Variants in PAN3 observed in about 807,000 individuals in gnomAD.
The protein encoded by PAN3 is PAN2-PAN3 deadenylation complex subunit PAN3.
Under a neutral mutation model 96.2 loss-of-function variants are expected in PAN3, and 19 were observed. The ratio of observed to expected loss-of-function variants is 0.20; its 90% CI spans 0.14 to 0.29. The LOEUF is 0.29. Among genes scored for constraint, PAN3 ranks in the 10% least tolerant of loss-of-function variants. The pLI is 1.00. For synonymous variants in PAN3, 433 were observed against 406.6 expected, an observed-to-expected ratio of 1.06 and a Z score of -0.78; for missense variants, 882 against 1,108.1, an observed-to-expected ratio of 0.80 and a Z score of 2.90.
chr13:28,290,092 A>T (rs1369641171), intron 18 of PAN3, among the ~76,000 whole-genome samples: 1 of 152,226 alleles, frequency 6.6e-6, no homozygotes, highest in Non-Finnish European at 1.5e-5. Context: ...TTAAAGCGTG[A>T]GAGCCTCGAA....
chr13:28,172,063 C>T (rs939060004), intron 1 of PAN3, among the ~76,000 whole-genome samples: 4 of 152,230 alleles, frequency 2.6e-5, no homozygotes, highest in African/African-American at 9.6e-5. Context: ...TAGTGCCTAT[C>T]ACTTAGGAAA....
intron 5 of PAN3, among the ~76,000 whole-genome samples, chr13:28,206,654 C>T (rs752172039): frequency 4.6e-5 from 7 of 152,144 alleles, no homozygotes; most frequent in Admixed American, 3.3e-4. Flanking sequence ...ATTCCTCTTA[C>T]TTGCCCTCTG....
At chr13:28,283,425 T>G (rs1868544959) in intron 17 of PAN3, among the ~76,000 whole-genome samples, 1 of 152,182 alleles carries the variant, frequency 6.6e-6, no homozygotes, top group African/African-American at 2.4e-5. Context: ...AAGTTTGCAG[T>G]GAAAACTGTA....
intron 4 of PAN3, among the ~76,000 whole-genome samples, chr13:28,182,920 C>T (rs75832854): frequency 0.026 from 3,893 of 152,178 alleles, 151 homozygotes; most frequent in African/African-American, 0.089. Context: ...TTTCTTATAG[C>T]ATTTTTATTC....
intron 1 of PAN3, among the ~76,000 whole-genome samples, chr13:28,171,341 A>G (rs1287981461): frequency 1.3e-5 from 2 of 152,260 alleles, no homozygotes; most frequent in South Asian, 2.1e-4. Context: ...ACACCAGCCA[A>G]TTCTCCAATT....
intron 9 of PAN3, among the ~76,000 whole-genome samples, chr13:28,263,159 G>A (rs71433262): frequency 0.02 from 2,990 of 152,244 alleles, 61 homozygotes; most frequent in Admixed American, 0.03. Flanking sequence ...TTGTGTATTA[G>A]GGAAGGAGAG....
rs1869194904 is a variant in PAN3, at chr13:28,138,992, C to G, written c.335C>G (p.Pro112Arg). 1.6e-6 allele frequency: 2 copies of G among 1,273,174 alleles called. No individual in the cohort carries two copies. The highest frequency in any genetic ancestry group is 2.0e-6 in the Non-Finnish European group (2 of 1,009,878). 78.9% of individuals were successfully genotyped at this position (1,273,174 alleles called of 1,614,324 possible). A position where few individuals can be genotyped will look rare whatever the true frequency, so the allele number is the denominator to read the frequency against. Residue 112 changes from proline to arginine, a missense_variant, in exon 1 of 19, where the codon CCC (proline) becomes CGC (arginine). Coordinates refer to ENST00000380958, the MANE Select transcript of PAN3 (RefSeq NM_175854.8). ...GCGGGCGGGGGAGCTGGGCCGCCCCCCGGGCCCAAGAAGCCGGACCTGGGG... is the reference window on the plus strand; with the variant it reads ...GCGGGCGGGGGAGCTGGGCCGCCCCGCGGGCCCAAGAAGCCGGACCTGGGG... The part of the protein sequence containing the change: ...AVAGGGAGPP[P>R]GPKKPDLGDP...
chr13:28,281,789 T>G (rs1887492534), intron 17 of PAN3, among the ~76,000 whole-genome samples: 1 of 145,094 alleles, frequency 6.9e-6, no homozygotes, highest in Non-Finnish European at 1.5e-5. Flanking sequence ...TTTTTTTTCT[T>G]GAGACGGAGT....
rs1883471662 is a variant in PAN3, at chr13:28,239,765, CTG to C, written c.1001-16525_1001-16524del. Reference sequence around the variant, plus strand: ...TAATTCCCCTAATCATAAGGGGTTGCTGTTGTGAAAACAGGGTTTGTGAAGGA... The same window carrying C: ...TAATTCCCCTAATCATAAGGGGTTGCTTGTGAAAACAGGGTTTGTGAAGGA... On this transcript the variant is annotated intron_variant, in intron 6 of 18. Transcript: ENST00000380958. 34 of 933,394 alleles carry C rather than the reference CTG, an allele frequency of 3.6e-5. No homozygotes were observed. In the South Asian group the frequency reaches 4.6e-4, roughly 13 times the overall value. The allele number at this position is 933,394 out of a possible 1,614,324, so 57.8% of individuals were successfully genotyped here.
chr13:28,168,276 G>T (rs1309281049), intron 1 of PAN3, among the ~76,000 whole-genome samples: 1 of 152,150 alleles, frequency 6.6e-6, no homozygotes, highest in East Asian at 1.9e-4. Context: ...TCCCTAACCT[G>T]AAAATCAAAA....
In PAN3 at chr13:28,295,252, C is replaced by A. The variant is rs1358817592; in HGVS notation, c.*2730C>A. 2 of 152,196 alleles carry A rather than the reference C, an allele frequency of 1.3e-5. No homozygotes were observed. Among genetic ancestry groups the A allele is most frequent in the African/African-American group, 4.8e-5 (2 of 41,446 alleles). The allele number at this position is 152,196 out of a possible 1,614,324, so 9.4% of individuals were successfully genotyped here. A position where few individuals can be genotyped will look rare whatever the true frequency, so the allele number is the denominator to read the frequency against. ...AGTGTGTTAGGTTCTAATGTCATGA[C>A]CCAATTTGTGTTATTCATCTTTAAT... On this transcript the variant is annotated 3_prime_UTR_variant, in exon 19 of 19. Coordinates refer to ENST00000380958, the MANE Select transcript of PAN3 (RefSeq NM_175854.8).
At chr13:28,168,464 A>C (rs886485567) in intron 1 of PAN3, among the ~76,000 whole-genome samples, 2 of 152,202 alleles carry the variant, frequency 1.3e-5, no homozygotes, top group African/African-American at 4.8e-5. Context: ...CATGCCTATA[A>C]TCCCAGCAGT....
Position 28,267,095 on chromosome 13 carries a change from G to A in PAN3, c.1574G>A (p.Gly525Asp). 1 of 1,594,322 alleles carries A rather than the reference G, an allele frequency of 6.3e-7. No individual in the cohort carries two copies. The highest frequency in any genetic ancestry group is 8.6e-7 in the Non-Finnish European group (1 of 1,167,734). Residue 525 changes from glycine to aspartate, a missense_variant and splice_region_variant, in exon 11 of 19, where the codon GGT becomes GAT. Physicochemically the swap from Gly to Asp is moderately conservative, Grantham distance 94. Around this residue, in one of 3 missense-constraint regions of PAN3, gnomAD observed 364 missense variants for 513.6 expected, o/e 0.71. Transcript: ENST00000380958. ...CTGGAGTAGAAAAATTGTCTTCCAG[G>A]TTTTCGTCTTGTTAACACAAAGTGC... ...DLPYCLRRIH[G>D]FRLVNTKCMV...
intron 17 of PAN3, among the ~76,000 whole-genome samples, chr13:28,285,750 T>C (rs1030859549): frequency 2.6e-5 from 4 of 152,198 alleles, no homozygotes; most frequent in Non-Finnish European, 4.4e-5. Context: ...ATTAAAGTTT[T>C]TTTTCTAATT....
chr13:28,189,508 C>A (rs1876927571), intron 4 of PAN3, among the ~76,000 whole-genome samples: 1 of 150,202 alleles, frequency 6.7e-6, no homozygotes, highest in South Asian at 2.1e-4. Context: ...CAGAGTGAGA[C>A]CCCGTCTCAA....
intron 6 of PAN3, among the ~76,000 whole-genome samples, chr13:28,242,608 C>T (rs773972616): frequency 6.6e-6 from 1 of 152,118 alleles, no homozygotes; most frequent in African/African-American, 2.4e-5. Context: ...CTAGAATTTA[C>T]TGTGAGGTTG....
At chr13:28,185,544 TAGG>T (rs1335925662) in intron 4 of PAN3, among the ~76,000 whole-genome samples, 2 of 152,182 alleles carry the variant, frequency 1.3e-5, no homozygotes, top group African/African-American at 4.8e-5. Flanking sequence ...TTCATGATTG[TAGG>T]AGAATTTTGT....
At chr13:28,215,832 G>T in intron 5 of PAN3, 1 of 1,395,290 alleles carries the variant, frequency 7.2e-7, no homozygotes, top group South Asian at 1.2e-5. Flanking sequence ...CAAAGCAGTG[G>T]ACAAGAAGGC....
At chr13:28,178,883 G>A (rs752603863) in intron 4 of PAN3, among the ~76,000 whole-genome samples, 1 of 152,002 alleles carries the variant, frequency 6.6e-6, no homozygotes, top group Non-Finnish European at 1.5e-5. Context: ...CCCCAAACTC[G>A]TTGAGTTGTA....
Sources: allele counts gnomAD v4.1 joint callset (sites outside exome capture counted in the v4.1 genomes callset), GRCh38; gene constraint gnomAD v4.1.1; regional missense constraint gnomAD v4.1.1; transcripts MANE v1.5; gene names NCBI Gene and HGNC (gene_info 2026-07-23, HGNC 2026-07-21).